The following GABRA3 variants were observed in gnomAD, a reference collection of about 807,000 sequenced individuals.
GABRA3 encodes gamma-aminobutyric acid receptor subunit alpha-3.
In GABRA3, 10 loss-of-function variants were observed where a neutral mutation model predicts 30.1. That is an observed-to-expected ratio of 0.33 (90% CI 0.20 to 0.56). The LOEUF (loss-of-function observed/expected upper bound fraction) is 0.56. Among genes scored for constraint, GABRA3 ranks in the 20% least tolerant of loss-of-function variants. The probability of loss-of-function intolerance (pLI) is 0.89; values close to 1 mark genes in which losing one functional copy is unlikely to be tolerated. For missense variants in GABRA3, 233 were observed against 392.0 expected (o/e 0.59, Z 3.42); for synonymous variants, 151 against 146.8 (o/e 1.03, Z -0.21).
At chrX:152,435,163 C>T (rs971968031) in intron 1 of GABRA3, among the ~76,000 whole-genome samples, 1 of 112,108 alleles carries the variant, frequency 8.9e-6, no homozygotes, top group Non-Finnish European at 1.9e-5. Flanking sequence ...GAAATTAGTT[C>T]AGCCACTGTG....
intron 3 of GABRA3, among the ~76,000 whole-genome samples, chrX:152,289,669 C>T (rs900031113): frequency 1.8e-5 from 2 of 110,350 alleles, no homozygotes; most frequent in South Asian, 7.8e-4. Context: ...CTCCCCCTGC[C>T]CCCCACCCCA....
At chrX:152,374,660 T>C (rs1928949308) in intron 1 of GABRA3, among the ~76,000 whole-genome samples, 1 of 112,122 alleles carries the variant, frequency 8.9e-6, no homozygotes, top group South Asian at 3.7e-4. Flanking sequence ...CAATTTTTGC[T>C]TTTGTTGCAA....
At chrX:152,369,564 T>C (rs922304820) in intron 1 of GABRA3, among the ~76,000 whole-genome samples, 2 of 111,153 alleles carry the variant, frequency 1.8e-5, no homozygotes, top group Non-Finnish European at 3.8e-5. Flanking sequence ...CCTGGGATGT[T>C]CTTCCATCCA....
At chrX:152,173,607 C>G (rs1603196103) in intron 9 of GABRA3, among the ~76,000 whole-genome samples, 3 of 109,090 alleles carry the variant, frequency 2.8e-5, no homozygotes, top group Admixed American at 9.8e-5. Flanking sequence ...CCACCGCTGC[C>G]CCCCTCCCCA....
intron 1 of GABRA3, among the ~76,000 whole-genome samples, chrX:152,410,584 T>C (rs1281710156): frequency 9.0e-6 from 1 of 111,353 alleles, no homozygotes; most frequent in Non-Finnish European, 1.9e-5. Context: ...AGAACTATTA[T>C]GTACCCATAA....
At chrX:152,298,639 T>A (rs6526092) in intron 3 of GABRA3, among the ~76,000 whole-genome samples, 1 of 109,082 alleles carries the variant, frequency 9.2e-6, no homozygotes, top group Non-Finnish European at 1.9e-5. Flanking sequence ...GGACATTTGG[T>A]TTGGTTCCAA....
chrX:152,289,602 G>A (rs969937952), intron 3 of GABRA3, among the ~76,000 whole-genome samples: 1 of 110,121 alleles, frequency 9.1e-6, no homozygotes, highest in Non-Finnish European at 1.9e-5. Flanking sequence ...GTGCCATGTT[G>A]GTTTGCTGCA....
At position 152,322,201 on chromosome X, in the gene GABRA3, T is replaced by G. The variant is rs186443107; in HGVS notation, c.262+23380A>C. ...ACATGTACTGATACATGGATGTACCTCCAATATATCTTGCTAAATCAAAGA... is the reference window on the plus strand; with the variant it reads ...ACATGTACTGATACATGGATGTACCGCCAATATATCTTGCTAAATCAAAGA... On this transcript the variant is annotated intron_variant, in intron 3 of 9. Transcript: ENST00000370314. Among the ~76,000 whole-genome samples, 675 of 112,336 alleles carry G rather than the reference T, an allele frequency of 6.0e-3. 4 individuals are homozygous for G. In the Middle Eastern group the frequency reaches 0.074, roughly 12 times the overall value.
chrX:152,245,908 G>A (rs746368017), intron 5 of GABRA3, among the ~76,000 whole-genome samples: 1 of 111,794 alleles, frequency 8.9e-6, no homozygotes, highest in Non-Finnish European at 1.9e-5. Flanking sequence ...CAACTTGAGA[G>A]AGTGGTCTCT....
chrX:152,217,717 T>C (rs1246916896), intron 6 of GABRA3, among the ~76,000 whole-genome samples: 3 of 110,739 alleles, frequency 2.7e-5, no homozygotes, highest in African/African-American at 6.5e-5. Flanking sequence ...TATATTTCTA[T>C]GACTTTTTTT....
At chrX:152,428,980 T>C (rs1241488067) in intron 1 of GABRA3, among the ~76,000 whole-genome samples, 1 of 110,397 alleles carries the variant, frequency 9.1e-6, no homozygotes, top group African/African-American at 3.3e-5. Context: ...AGAAAGAAAA[T>C]GGAGTGACTG....
chrX:152,427,869 A>G (rs1013145269), intron 1 of GABRA3, among the ~76,000 whole-genome samples: 1 of 112,066 alleles, frequency 8.9e-6, no homozygotes, highest in African/African-American at 3.2e-5. Context: ...ATAACACAAG[A>G]GATCTAATAA....
intron 2 of GABRA3, among the ~76,000 whole-genome samples, chrX:152,359,779 T>A (rs1603247577): frequency 8.9e-6 from 1 of 112,026 alleles, no homozygotes; most frequent in Middle Eastern, 4.2e-3. Flanking sequence ...TCAAGAAATT[T>A]CTTTATTTCT....
At chrX:152,263,381 G>A (rs1159486333) in intron 4 of GABRA3, among the ~76,000 whole-genome samples, 2 of 110,236 alleles carry the variant, frequency 1.8e-5, no homozygotes, top group Non-Finnish European at 3.8e-5. Context: ...AACTGAAATA[G>A]TTAAAAAGAA....
chrX:152,215,957 T>C (rs1157862746), intron 6 of GABRA3, among the ~76,000 whole-genome samples: 1 of 111,288 alleles, frequency 9.0e-6, no homozygotes, highest in East Asian at 2.8e-4. Flanking sequence ...AAAGAAGATA[T>C]ACAAATGGCC....
chrX:152,409,588 T>C lies in GABRA3; in HGVS notation c.-27+41558A>G, dbSNP rs189983309. Among the ~76,000 whole-genome samples, 10 of 111,247 alleles carry C rather than the reference T, an allele frequency of 9.0e-5. No homozygotes were observed. In the East Asian group the frequency reaches 1.7e-3, roughly 19 times the overall value. On this transcript the variant is annotated intron_variant, in intron 1 of 9. Coordinates refer to ENST00000370314, the MANE Select transcript of GABRA3 (RefSeq NM_000808.4). The stretch of plus-strand genomic sequence containing the variant: ...GTCAACAAAGAGGCCACTTGTAGAA[T>C]AGAAGAAAATATCTGCAAACTACCC...
Position 152,331,622 on chromosome X carries a change from A to C in GABRA3, c.262+13959T>G, listed in dbSNP as rs186820376. On this transcript the variant is annotated intron_variant, in intron 3 of 9. Coordinates refer to ENST00000370314, the MANE Select transcript of GABRA3 (RefSeq NM_000808.4). Reference sequence around the variant, plus strand: ...GCCAGCTATTGCACAGTAGGGGCCCAAGTATAGCAGTAAAACAATAAATTT... The same window carrying C: ...GCCAGCTATTGCACAGTAGGGGCCCCAGTATAGCAGTAAAACAATAAATTT... Among the ~76,000 whole-genome samples the C allele has an allele frequency of 7.1e-5, 8 of 112,067 alleles. No individual in the cohort carries two copies. In the East Asian group the frequency reaches 2.3e-3, roughly 32 times the overall value.
intron 4 of GABRA3, among the ~76,000 whole-genome samples, chrX:152,263,413 GA>G (rs1569373792): frequency 9.1e-6 from 1 of 110,161 alleles, no homozygotes; most frequent in East Asian, 2.9e-4. Flanking sequence ...TTCTCGAACT[GA>G]AAAATGCAAT....
chrX:152,298,555 C>T (rs1405235336), intron 3 of GABRA3, among the ~76,000 whole-genome samples: 2 of 110,661 alleles, frequency 1.8e-5, no homozygotes, highest in South Asian at 3.9e-4. Context: ...GACATGAACT[C>T]ATCATTTTTT....
Sources: allele counts gnomAD v4.1 joint callset (sites outside exome capture counted in the v4.1 genomes callset), GRCh38; gene constraint gnomAD v4.1.1; transcripts MANE v1.5; gene names NCBI Gene and HGNC (gene_info 2026-07-23, HGNC 2026-07-21).